METTL6: variants seen among roughly 807,000 people sequenced by gnomAD.
The protein encoded by METTL6 is methyltransferase 6, tRNA N3-cytidine, also known as tRNA N(3)-cytidine methyltransferase METTL6.
Under a neutral mutation model 26.4 loss-of-function variants are expected in METTL6, and 22 were observed. The ratio of observed to expected loss-of-function variants is 0.83; its 90% CI spans 0.59 to 1.19. METTL6 has a LOEUF of 1.19. METTL6 is among the 50% of genes most tolerant of loss of function. The pLI is 0.00. For missense variants in METTL6, 304 were observed against 324.8 expected, an observed-to-expected ratio of 0.94 and a Z score of 0.49; for synonymous variants, 109 against 116.2, an observed-to-expected ratio of 0.94 and a Z score of 0.40.
intron 6 of METTL6, among the ~76,000 whole-genome samples, chr3:15,388,978 G>T (rs1210163694): frequency 1.3e-5 from 2 of 151,996 alleles, no homozygotes; most frequent in South Asian, 4.1e-4. Flanking sequence ...TCCTGCCTCA[G>T]CCTCCTAAGT....
exon 7 of METTL6, chr3:15,384,141 C>A: frequency 2.5e-6 from 1 of 400,468 alleles, no homozygotes; most frequent in South Asian, 1.8e-5. Context: ...AAAAGCACAG[C>A]CAGATATCCT....
chr3:15,427,631 T>A (rs767213809), upstream of METTL6: 1 of 763,196 alleles, frequency 1.3e-6, no homozygotes, highest in Non-Finnish European at 2.2e-6. Context: ...GAGAACTTGC[T>A]TCTGGACCCG....
intron 3 of METTL6, among the ~76,000 whole-genome samples, chr3:15,424,644 A>G (rs1243608216): frequency 1.3e-5 from 2 of 152,268 alleles, no homozygotes; most frequent in Non-Finnish European, 2.9e-5. Flanking sequence ...GGGGAGATGT[A>G]TGCAAACATT....
intron 6 of METTL6, among the ~76,000 whole-genome samples, chr3:15,390,611 G>A (rs1699318442): frequency 6.6e-6 from 1 of 152,174 alleles, no homozygotes; most frequent in African/African-American, 2.4e-5. Flanking sequence ...AAAAACGAAT[G>A]CTGGAATTGG....
intron 3 of METTL6, 90 bp from the exon 4 acceptor site, chr3:15,416,032 C>A: frequency 8.9e-7 from 1 of 1,123,068 alleles, no homozygotes; most frequent in Non-Finnish European, 1.3e-6. Context: ...GATCCAATTT[C>A]CACTTGTATA....
At chr3:15,397,081 A>G (rs6807759) in intron 6 of METTL6, among the ~76,000 whole-genome samples, 22,742 of 152,184 alleles carry the variant, frequency 0.15, 3,138 homozygotes, top group African/African-American at 0.37. Flanking sequence ...CGCCCCCAGA[A>G]GTGGAGTCTA....
intron 6 of METTL6, chr3:15,399,538 G>C (rs1455420782): frequency 3.5e-5 from 4 of 114,104 alleles, no homozygotes; most frequent in Middle Eastern, 3.5e-3. Context: ...AGAGTTCCAG[G>C]AGAAATTGTG....
chr3:15,410,925 C>T lies in METTL6; in HGVS notation c.*331G>A, dbSNP rs925033455. 1.0e-5 allele frequency: 2 copies of T among 200,680 alleles called. No homozygotes were observed. The highest frequency in any genetic ancestry group is 2.0e-5 in the Non-Finnish European group (2 of 99,804). 12.4% of individuals were successfully genotyped at this position (200,680 alleles called of 1,614,324 possible). A position where few individuals can be genotyped will look rare whatever the true frequency, so the allele number is the denominator to read the frequency against. On this transcript the variant is annotated 3_prime_UTR_variant, in exon 6 of 6. Coordinates refer to ENST00000383790, the MANE Select transcript of METTL6 (RefSeq NM_152396.4). ...TATTTATTTATGAAACAGGGTCTCA[C>T]TCTGTCGCCCAGGCTGGAGTGCAAT...
At chr3:15,426,145 T>C (rs1334165989) in intron 2 of METTL6, 142 bp downstream of exon 2, 5 of 727,444 alleles carry the variant, frequency 6.9e-6, no homozygotes, top group African/African-American at 1.8e-5. Context: ...TTCATCATGT[T>C]GGCCAGGATG....
upstream of METTL6, chr3:15,427,612 C>G (rs2061758682): frequency 3.1e-6 from 2 of 643,312 alleles, no homozygotes; most frequent in Admixed American, 2.7e-5. Flanking sequence ...CTCACCCCCA[C>G]GCAGAGGAGA....
In METTL6 at chr3:15,409,885, A is replaced by G. The variant is rs1699901408; in HGVS notation, c.*1371T>C. Among the ~76,000 whole-genome samples, 1 of 151,538 alleles carries G rather than the reference A, an allele frequency of 6.6e-6. No homozygotes were observed. The highest frequency in any genetic ancestry group is 6.6e-5 in the Admixed American group (1 of 15,198). ...CACTCGAAAAAGAAGAAAACAGAAC[A>G]CTCCTTTAGGCTAGAAATATATATG... On this transcript the variant is annotated 3_prime_UTR_variant, in exon 6 of 6. Coordinates refer to ENST00000383790, the MANE Select transcript of METTL6 (RefSeq NM_152396.4).
intron 3 of METTL6, among the ~76,000 whole-genome samples, chr3:15,417,952 A>G (rs2061524818): frequency 6.6e-6 from 1 of 152,222 alleles, no homozygotes. Flanking sequence ...GGGAAACGGT[A>G]CAAAGGGAAG....
At chr3:15,383,066 G>A (rs953504916) in exon 7 of METTL6, 1 of 152,164 alleles carries the variant, frequency 6.6e-6, no homozygotes, top group Admixed American at 6.5e-5. Flanking sequence ...TGTACATGGT[G>A]ACCATAGTCA....
At position 15,401,045 on chromosome 3, in the gene METTL6, CTTTTTT is replaced by C. The variant is rs369602192; in HGVS notation, c.*11+10194_*11+10199del. ...ACCCAGATCAGTTTTGTATTTTCTT[CTTTTTT>C]TTTTTTGAGATGGAGTCTCACTCTG... is the stretch of plus-strand genomic sequence containing the variant. On this transcript the variant is annotated intron_variant, in intron 6 of 6. Coordinates refer to the METTL6 transcript ENST00000443029. 5.9e-3 allele frequency among the ~76,000 whole-genome samples: 849 copies of C among 144,872 alleles called. 5 individuals are homozygous for C. The highest frequency in any genetic ancestry group is 0.02 in the African/African-American group (787 of 39,826).
chr3:15,419,681 A>G (rs1220124573), intron 3 of METTL6, among the ~76,000 whole-genome samples: 2 of 152,170 alleles, frequency 1.3e-5, no homozygotes. Flanking sequence ...GGCATTGTCT[A>G]TTAAAATATA....
At chr3:15,406,607 T>TAGAGAGAGAG (rs1699796803), downstream of METTL6, among the ~76,000 whole-genome samples, 1 of 73,242 alleles carries the variant, frequency 1.4e-5, no homozygotes, top group African/African-American at 5.4e-5. Flanking sequence ...TATATATATA[T>TAGAGAGAGAG]ATATATATAT....
intron 4 of METTL6, 50 bp downstream of exon 4, chr3:15,415,722 A>G: frequency 2.5e-6 from 4 of 1,600,596 alleles, no homozygotes; most frequent in Non-Finnish European, 3.4e-6. Flanking sequence ...GAAGGTAAGT[A>G]AAAGAATCCA....
At chr3:15,387,764 A>C (rs1338189092) in intron 6 of METTL6, among the ~76,000 whole-genome samples, 1 of 152,188 alleles carries the variant, frequency 6.6e-6, no homozygotes, top group Non-Finnish European at 1.5e-5. Context: ...AGGGAGAATG[A>C]ATGGATCAGG....
At chr3:15,427,618 G>A (rs958601728), upstream of METTL6, 17 of 672,006 alleles carry the variant, frequency 2.5e-5, no homozygotes, top group African/African-American at 2.9e-4. Context: ...CCCACGCAGA[G>A]GAGAGAACTT....
Sources: allele counts gnomAD v4.1 joint callset (sites outside exome capture counted in the v4.1 genomes callset), GRCh38; gene constraint gnomAD v4.1.1; transcripts MANE v1.5; gene names NCBI Gene and HGNC (gene_info 2026-07-23, HGNC 2026-07-21).